MED27: variants seen among roughly 807,000 people sequenced by gnomAD.
MED27 encodes mediator complex subunit 27, also known as mediator of RNA polymerase II transcription subunit 27.
In MED27, 30 loss-of-function variants were observed where a neutral mutation model predicts 38.2. The observed-to-expected ratio is 0.79, with a 90% CI of 0.59 to 1.07. MED27 has a LOEUF of 1.07. MED27 is among the 50% of genes least tolerant of loss of function. The probability of loss-of-function intolerance (pLI) is 0.00; values close to 1 mark genes in which losing one functional copy is unlikely to be tolerated. For missense variants in MED27, 289 were observed against 397.5 expected, an observed-to-expected ratio of 0.73 and a Z score of 2.32; for synonymous variants, 122 against 153.5, an observed-to-expected ratio of 0.79 and a Z score of 1.52.
chr9:132,014,536 A>C (rs1217716574), intron 2 of MED27, 69 bp from the exon 3 acceptor site: 3 of 1,483,660 alleles, frequency 2.0e-6, no homozygotes. Context: ...AATGGTATTA[A>C]ACTAGCAATG....
intron 3 of MED27, among the ~76,000 whole-genome samples, chr9:132,002,687 G>A (rs182187914): frequency 3.4e-4 from 51 of 152,152 alleles, no homozygotes; most frequent in Admixed American, 2.6e-4. Flanking sequence ...TGAGGCAAGC[G>A]GATCACTTGA....
At chr9:131,957,853 A>G (rs1384292720) in intron 3 of MED27, among the ~76,000 whole-genome samples, 1 of 150,552 alleles carries the variant, frequency 6.6e-6, no homozygotes, top group Non-Finnish European at 1.5e-5. Context: ...TCAAGGTGGG[A>G]GGATTGCTTG....
At chr9:131,894,903 T>C (rs996352065) in intron 4 of MED27, among the ~76,000 whole-genome samples, 6 of 152,128 alleles carry the variant, frequency 3.9e-5, no homozygotes, top group Non-Finnish European at 7.4e-5. Context: ...GTGTCCCTGC[T>C]CTGGCAAGAC....
intron 6 of MED27, among the ~76,000 whole-genome samples, chr9:131,871,460 C>T (rs1838832236): frequency 6.6e-6 from 1 of 152,152 alleles, no homozygotes; most frequent in Admixed American, 6.5e-5. Flanking sequence ...AAAGCAAGGG[C>T]CTGTTGGGCT....
Position 132,079,660 on chromosome 9 carries a change from G to T in MED27, c.185C>A (p.Ser62Ter). 1 of 1,612,536 alleles carries T rather than the reference G, an allele frequency of 6.2e-7. No individual in the cohort carries two copies. Among genetic ancestry groups the T allele is most frequent in the Non-Finnish European group, 8.5e-7 (1 of 1,179,858 alleles). Residue 62 changes from serine (S) to a stop codon, truncating the protein, a stop_gained, in exon 1 of 8, where the codon TCG becomes TAG. Transcript: ENST00000292035. LOFTEE classifies it high-confidence loss of function. ...TACCTACTTGAGGTCCCGGTTGACC[G>T]AATGTAAGTTGTCCTGGAAGTGCGC... The part of the protein sequence containing the change: ...FIAHFQDNLH[S>*]VNRDLNELER...
At chr9:132,057,019 A>T (rs1833593298) in intron 2 of MED27, among the ~76,000 whole-genome samples, 1 of 152,222 alleles carries the variant, frequency 6.6e-6, no homozygotes. Flanking sequence ...GGGGCCCCAC[A>T]GCACCAAGAC....
chr9:131,864,142 T>C (rs1217479515), intron 6 of MED27, among the ~76,000 whole-genome samples: 2 of 152,198 alleles, frequency 1.3e-5, no homozygotes, highest in Admixed American at 6.5e-5. Context: ...ATGGTTTACA[T>C]GATTGTCCTC....
chr9:132,053,744 T>C (rs1328688607), intron 2 of MED27, among the ~76,000 whole-genome samples: 1 of 152,100 alleles, frequency 6.6e-6, no homozygotes, highest in Non-Finnish European at 1.5e-5. Flanking sequence ...TTTCTCCAAG[T>C]TTTCAGACAA....
chr9:131,876,941 C>T (rs1192522333), intron 6 of MED27, among the ~76,000 whole-genome samples: 1 of 152,212 alleles, frequency 6.6e-6, no homozygotes, highest in Non-Finnish European at 1.5e-5. Context: ...ATGAAAATGA[C>T]ACCACATTCT....
intron 5 of MED27, among the ~76,000 whole-genome samples, chr9:131,890,490 G>T (rs186134611): frequency 2.6e-5 from 4 of 152,194 alleles, no homozygotes; most frequent in Admixed American, 1.3e-4. Flanking sequence ...CCCTTTACTC[G>T]TGTGTCTCCT....
At chr9:131,964,364 GATGGTAGTA>G (rs1419196311) in intron 3 of MED27, among the ~76,000 whole-genome samples, 1,714 of 135,602 alleles carry the variant, frequency 0.013, no homozygotes, top group Middle Eastern at 0.02. Flanking sequence ...TGGTAGAGGT[GATGGTAGTA>G]GTGATGGTGA....
intron 3 of MED27, among the ~76,000 whole-genome samples, chr9:131,981,078 C>G (rs1831726070): frequency 6.6e-6 from 1 of 152,204 alleles, no homozygotes; most frequent in Admixed American, 6.5e-5. Context: ...TTTCTTGAAG[C>G]AGCAGGACTC....
intron 2 of MED27, among the ~76,000 whole-genome samples, chr9:132,070,771 G>A (rs897522166): frequency 2.0e-5 from 3 of 151,790 alleles, no homozygotes; most frequent in African/African-American, 7.3e-5. Flanking sequence ...CAGGATCCTC[G>A]CCCTGCCTTT....
At chr9:131,899,167 C>A (rs900688759) in intron 4 of MED27, among the ~76,000 whole-genome samples, 1 of 152,130 alleles carries the variant, frequency 6.6e-6, no homozygotes, top group Admixed American at 6.5e-5. Context: ...GGAGGTGAAA[C>A]GGTTTGAAGC....
chr9:131,993,859 A>G (rs1832032427), intron 3 of MED27, among the ~76,000 whole-genome samples: 1 of 152,078 alleles, frequency 6.6e-6, no homozygotes. Flanking sequence ...TCCCAAAGAC[A>G]TGCACGTTAG....
At chr9:131,927,285 A>G (rs1830499681) in intron 4 of MED27, among the ~76,000 whole-genome samples, 1 of 152,224 alleles carries the variant, frequency 6.6e-6, no homozygotes, top group Non-Finnish European at 1.5e-5. Context: ...GACATTAGCT[A>G]GGGCTTGGAT....
At chr9:131,920,116 G>A (rs1006370428) in intron 4 of MED27, among the ~76,000 whole-genome samples, 6 of 152,116 alleles carry the variant, frequency 3.9e-5, no homozygotes, top group Non-Finnish European at 8.8e-5. Context: ...TGGCCTTAAT[G>A]CATGATTCTA....
chr9:131,911,472 G>A (rs1390713836), intron 4 of MED27, among the ~76,000 whole-genome samples: 1 of 152,184 alleles, frequency 6.6e-6, no homozygotes, highest in African/African-American at 2.4e-5. Context: ...TTCCAAGAGA[G>A]ACCAAATAAG....
chr9:131,973,769 G>A (rs1271113132), intron 3 of MED27, among the ~76,000 whole-genome samples: 3 of 152,000 alleles, frequency 2.0e-5, no homozygotes, highest in African/African-American at 4.8e-5. Flanking sequence ...GTGCAGTGGC[G>A]TGATCTTGGC....
Sources: gnomAD v4.1 joint callset for allele counts (sites outside exome capture counted in the v4.1 genomes callset) on GRCh38, gnomAD v4.1.1 for gene constraint, MANE v1.5 for transcripts, NCBI Gene and HGNC (gene_info 2026-07-23, HGNC 2026-07-21) for gene names.